NRXN1: variants seen among roughly 807,000 people sequenced by gnomAD.
NRXN1 encodes neurexin 1, also known as neurexin-1.
A neutral mutation model predicts 150.9 loss-of-function variants in NRXN1; 39 were observed. The observed-to-expected ratio is 0.26, with a 90% confidence interval of 0.20 to 0.34. The LOEUF is 0.34. Among genes scored for constraint, NRXN1 ranks in the 10% least tolerant of loss-of-function variants. NRXN1 has a pLI of 1.00. For missense variants in NRXN1, 1,815 were observed against 1,949.9 expected, an observed-to-expected ratio of 0.93 and a Z score of 1.30; for synonymous variants, 924 against 757.0, an observed-to-expected ratio of 1.22 and a Z score of -3.62.
chr2:50,917,128 C>G (rs1282709231), intron 5 of NRXN1: 1 of 151,618 alleles, frequency 6.6e-6, no homozygotes, highest in African/African-American at 2.4e-5. Context: ...GTAGAGGTAA[C>G]ACAGTAGAAA....
chr2:50,508,024 G>T (rs1384574086), intron 12 of NRXN1, among the ~76,000 whole-genome samples: 1 of 152,058 alleles, frequency 6.6e-6, no homozygotes, highest in Non-Finnish European at 1.5e-5. Flanking sequence ...GAGAGATCGA[G>T]TAAGAGACAG....
intron 21 of NRXN1, among the ~76,000 whole-genome samples, chr2:49,959,708 A>G (rs1423806487): frequency 6.6e-6 from 1 of 152,220 alleles, no homozygotes; most frequent in Admixed American, 6.5e-5. Flanking sequence ...GAAAATCATG[A>G]CAGATGATAT....
intron 2 of NRXN1, among the ~76,000 whole-genome samples, chr2:50,967,654 G>A (rs1694313821): frequency 6.6e-6 from 1 of 151,936 alleles, no homozygotes; most frequent in African/African-American, 2.4e-5. Flanking sequence ...GTACTAAATG[G>A]GAAGAGAGGG....
At chr2:50,892,815 CAT>C (rs1681283784) in intron 5 of NRXN1, among the ~76,000 whole-genome samples, 1 of 152,070 alleles carries the variant, frequency 6.6e-6, no homozygotes, top group Non-Finnish European at 1.5e-5. Flanking sequence ...TGCCAGTTGC[CAT>C]ATGTCACTCA....
At chr2:50,348,246 A>C (rs1365268247) in intron 17 of NRXN1, among the ~76,000 whole-genome samples, 7 of 152,162 alleles carry the variant, frequency 4.6e-5, no homozygotes. Context: ...CCATTACCAT[A>C]TTATATCTCA....
chr2:51,027,336 C>T lies in NRXN1; in HGVS notation c.772+166G>A, dbSNP rs544318481. The stretch of plus-strand genomic sequence containing the variant: ...CCTTAGGAGGATGTCAAGGGAGAAG[C>T]TGTGGAGGTGGTAAGGTAGAGAGTC... On this transcript the variant is annotated intron_variant, in intron 2 of 22. Coordinates refer to ENST00000401669, the MANE Select transcript of NRXN1 (RefSeq NM_001330078.2). Among the ~76,000 whole-genome samples, 3 of 152,294 alleles carry T rather than the reference C, an allele frequency of 2.0e-5. 1 individual carries two copies. Among genetic ancestry groups the T allele is most frequent in the African/African-American group, 7.2e-5 (3 of 41,564 alleles).
At chr2:50,203,128 A>AT (rs2062306807) in intron 18 of NRXN1, among the ~76,000 whole-genome samples, 1 of 152,150 alleles carries the variant, frequency 6.6e-6, no homozygotes, top group Non-Finnish European at 1.5e-5. Context: ...TAGCAAACCT[A>AT]TTGCCAGGTC....
intron 21 of NRXN1, among the ~76,000 whole-genome samples, chr2:50,009,980 G>T (rs989202795): frequency 2.0e-5 from 3 of 151,870 alleles, no homozygotes; most frequent in African/African-American, 7.3e-5. Flanking sequence ...ATTTGTAATA[G>T]GATTAAATAT....
rs1450530870 is a variant in NRXN1 at position 51,010,469 on chromosome 2, C to T, written c.772+17033G>A. On this transcript the variant is annotated intron_variant, in intron 2 of 22. Transcript: ENST00000401669. ...TTATATTGTGAGTCATTATACACAG[C>T]TCTACCATAATTTATTTAATCAAAT... is the stretch of plus-strand genomic sequence containing the variant. Among the ~76,000 whole-genome samples the T allele has an allele frequency of 2.0e-5, 3 of 151,930 alleles. No homozygotes were observed. The East Asian group carries it at 5.8e-4, about 29-fold the overall frequency.
chr2:50,868,350 T>C (rs1020189561), intron 5 of NRXN1, among the ~76,000 whole-genome samples: 32 of 128,656 alleles, frequency 2.5e-4, no homozygotes, highest in African/African-American at 8.7e-4. Context: ...ATAATGTGTA[T>C]ACATGGACAT....
intron 5 of NRXN1, chr2:50,913,043 A>G (rs1344173303): frequency 6.6e-6 from 1 of 151,828 alleles, no homozygotes; most frequent in Non-Finnish European, 1.5e-5. Context: ...GTCAGTGTAA[A>G]TCCAACCACA....
At chr2:50,957,628 T>C (rs377182406) in intron 2 of NRXN1, among the ~76,000 whole-genome samples, 4 of 152,188 alleles carry the variant, frequency 2.6e-5, no homozygotes, top group Admixed American at 6.6e-5. Flanking sequence ...ATCATATGTA[T>C]GAAATTTGTG....
chr2:50,916,491 A>T (rs934932003), intron 5 of NRXN1, among the ~76,000 whole-genome samples: 1 of 125,576 alleles, frequency 8.0e-6, no homozygotes, highest in Non-Finnish European at 1.8e-5. Context: ...AATCTAGATT[A>T]AAAAAGTACA....
At chr2:50,622,828 T>C (rs966181926) in intron 6 of NRXN1, among the ~76,000 whole-genome samples, 3 of 152,138 alleles carry the variant, frequency 2.0e-5, no homozygotes, top group African/African-American at 7.2e-5. Flanking sequence ...AAAGAAATTT[T>C]TCCCCTCAGG....
intron 17 of NRXN1, among the ~76,000 whole-genome samples, chr2:50,384,520 A>AT (rs1167104970): frequency 0.12 from 18,237 of 147,934 alleles, 2,370 homozygotes; most frequent in East Asian, 0.32. Context: ...AAAAAAAAAA[A>AT]AAAAAAAAAA....
At chr2:49,987,860 A>G (rs1681203876) in intron 21 of NRXN1, among the ~76,000 whole-genome samples, 1 of 152,016 alleles carries the variant, frequency 6.6e-6, no homozygotes, top group Non-Finnish European at 1.5e-5. Flanking sequence ...ATCCTAACAT[A>G]TCAGGCAATA....
chr2:50,935,271 A>G (rs1303612633), intron 2 of NRXN1, among the ~76,000 whole-genome samples: 1 of 152,196 alleles, frequency 6.6e-6, no homozygotes, highest in Admixed American at 6.6e-5. Flanking sequence ...AAAATAGTCA[A>G]CATTTCTGTA....
In NRXN1 at chr2:50,125,914, G is replaced by C. The variant is rs529154106; in HGVS notation, c.3547-34420C>G. On this transcript the variant is annotated intron_variant, in intron 18 of 22. Coordinates refer to ENST00000401669, the MANE Select transcript of NRXN1 (RefSeq NM_001330078.2). Reference sequence around the variant, plus strand: ...CTTTCCTGTGGTATAACCTAACTAAGATTTTTGAGCAAAAGATAGTTTTTG... The same window carrying C: ...CTTTCCTGTGGTATAACCTAACTAACATTTTTGAGCAAAAGATAGTTTTTG... Among the ~76,000 whole-genome samples, 97 of 152,176 alleles carry C rather than the reference G, an allele frequency of 6.4e-4. 2 individuals carry two copies. The South Asian group carries it at 0.019, about 30-fold the overall frequency.
intron 5 of NRXN1, chr2:50,918,592 T>G: frequency 2.7e-6 from 1 of 373,744 alleles, no homozygotes; most frequent in Non-Finnish European, 4.8e-6. Flanking sequence ...TAACATATTT[T>G]GACTTTTTTG....
Sources: allele counts gnomAD v4.1 joint callset (sites outside exome capture counted in the v4.1 genomes callset), GRCh38; gene constraint gnomAD v4.1.1; transcripts MANE v1.5; gene names NCBI Gene and HGNC (gene_info 2026-07-23, HGNC 2026-07-21).